The following CLSTN2 variants were observed in gnomAD, a reference collection of about 807,000 sequenced individuals.
CLSTN2 encodes calsyntenin 2.
Under a neutral mutation model 101.2 loss-of-function variants are expected in CLSTN2, and 48 were observed. That is an observed-to-expected ratio of 0.47 (90% CI 0.38 to 0.60). The LOEUF (loss-of-function observed/expected upper bound fraction) is 0.60, where lower values mean the gene tolerates loss of function less well. Among genes scored for constraint, CLSTN2 ranks in the 20% least tolerant of loss-of-function variants. The pLI is 0.00. For missense variants in CLSTN2, 1,160 were observed against 1,238.2 expected (o/e 0.94, Z 0.95); for synonymous variants, 481 against 463.6 (o/e 1.04, Z -0.48).
chr3:140,216,318 A>T (rs1428069252), intron 2 of CLSTN2, among the ~76,000 whole-genome samples: 2 of 152,112 alleles, frequency 1.3e-5, no homozygotes, highest in Admixed American at 6.5e-5. Flanking sequence ...AGAGAAGCAG[A>T]AGGGATGAAG....
intron 2 of CLSTN2, among the ~76,000 whole-genome samples, chr3:140,201,151 C>T (rs896546917): frequency 1.3e-5 from 2 of 152,186 alleles, no homozygotes; most frequent in Non-Finnish European, 2.9e-5. Context: ...AGGAAGCTGA[C>T]ATGAGAGAGA....
chr3:140,212,564 T>C (rs1018664894), intron 2 of CLSTN2, among the ~76,000 whole-genome samples: 1 of 152,218 alleles, frequency 6.6e-6, no homozygotes, highest in Non-Finnish European at 1.5e-5. Flanking sequence ...CATTTGCTTA[T>C]AATCCTTCAA....
In CLSTN2 at chr3:140,532,372, G is replaced by C; in HGVS notation, c.1393G>C (p.Val465Leu). The C allele has an allele frequency of 1.9e-6, 3 of 1,613,080 alleles. No individual in the cohort carries two copies. Among genetic ancestry groups the C allele is most frequent in the Non-Finnish European group, 2.5e-6 (3 of 1,179,272 alleles). Residue 465 changes from valine (V) to leucine (L), a missense_variant, in exon 9 of 17, where the codon GTG becomes CTG. Transcript: ENST00000458420. Reference sequence around the variant, plus strand: ...CTATGTCATCAATGTGGAGTTTCCTGTGGTAACCTTATACATGGATGGAGC... The same window carrying C: ...CTATGTCATCAATGTGGAGTTTCCTCTGGTAACCTTATACATGGATGGAGC... ...HYYVINVEFP[V>L]VTLYMDGATY...
At chr3:140,387,187 G>A (rs2088062895) in intron 2 of CLSTN2, among the ~76,000 whole-genome samples, 1 of 152,186 alleles carries the variant, frequency 6.6e-6, no homozygotes, top group Non-Finnish European at 1.5e-5. Context: ...ATGGGTAGGA[G>A]GAGAGCAGGG....
chr3:140,332,417 C>T (rs2087392634), intron 2 of CLSTN2, among the ~76,000 whole-genome samples: 1 of 152,226 alleles, frequency 6.6e-6, no homozygotes, highest in South Asian at 2.1e-4. Flanking sequence ...AGCAGGAAGA[C>T]ATGCCAGCTG....
At chr3:139,960,955 G>T (rs1935497544) in intron 1 of CLSTN2, among the ~76,000 whole-genome samples, 1 of 152,148 alleles carries the variant, frequency 6.6e-6, no homozygotes, top group Non-Finnish European at 1.5e-5. Context: ...AGAGAAAATG[G>T]AATCAAATGA....
chr3:140,040,927 G>GGAA (rs1244927812), intron 1 of CLSTN2, among the ~76,000 whole-genome samples: 2 of 152,088 alleles, frequency 1.3e-5, no homozygotes, highest in African/African-American at 4.8e-5. Flanking sequence ...GGGAGGATGA[G>GGAA]GAAAGAAAAT....
At chr3:140,044,141 T>C (rs13083542) in intron 1 of CLSTN2, among the ~76,000 whole-genome samples, 1 of 152,230 alleles carries the variant, frequency 6.6e-6, no homozygotes, top group African/African-American at 2.4e-5. Flanking sequence ...TTTCACGATA[T>C]TGATTCTTCC....
intron 1 of CLSTN2, among the ~76,000 whole-genome samples, chr3:140,025,641 G>A (rs2107757551): frequency 6.6e-6 from 1 of 152,274 alleles, no homozygotes; most frequent in African/African-American, 2.4e-5. Context: ...AAGAAGAGGA[G>A]AGAGAGAGAT....
chr3:140,281,501 T>C (rs1221194978), intron 2 of CLSTN2, among the ~76,000 whole-genome samples: 1 of 152,220 alleles, frequency 6.6e-6, no homozygotes, highest in East Asian at 1.9e-4. Flanking sequence ...ACTGCTATTT[T>C]GCCTGTGTCT....
chr3:140,081,657 C>T (rs911815522), intron 1 of CLSTN2, among the ~76,000 whole-genome samples: 2 of 149,112 alleles, frequency 1.3e-5, no homozygotes, highest in African/African-American at 4.9e-5. Context: ...TTCTCTCCTT[C>T]CCCTTCTCTT....
chr3:139,961,793 A>G (rs993117817), intron 1 of CLSTN2, among the ~76,000 whole-genome samples: 4 of 152,316 alleles, frequency 2.6e-5, no homozygotes, highest in African/African-American at 9.6e-5. Flanking sequence ...TTTTGCATTA[A>G]AAGATTAAAA....
At chr3:140,138,207 A>G (rs1423834510) in intron 1 of CLSTN2, among the ~76,000 whole-genome samples, 2 of 152,236 alleles carry the variant, frequency 1.3e-5, no homozygotes, top group Non-Finnish European at 2.9e-5. Context: ...AAATGACAGC[A>G]GATTTCTCCT....
chr3:140,166,921 T>C (rs2010144160), intron 1 of CLSTN2, among the ~76,000 whole-genome samples: 1 of 152,238 alleles, frequency 6.6e-6, no homozygotes, highest in East Asian at 1.9e-4. Context: ...AACTTAGTTC[T>C]TCTGAAGTTA....
intron 1 of CLSTN2, among the ~76,000 whole-genome samples, chr3:140,069,285 C>T (rs531988465): frequency 7.9e-5 from 12 of 152,230 alleles, no homozygotes; most frequent in African/African-American, 2.2e-4. Context: ...CAGTGGCTGC[C>T]GGAAATTATA....
chr3:140,124,103 A>G (rs1001967181), intron 1 of CLSTN2, among the ~76,000 whole-genome samples: 5 of 152,308 alleles, frequency 3.3e-5, no homozygotes, highest in Admixed American at 3.3e-4. Flanking sequence ...TGTAGGAAAC[A>G]GTATGAACTG....
At chr3:140,157,201 GT>G (rs58387930) in intron 1 of CLSTN2, among the ~76,000 whole-genome samples, 99 of 149,890 alleles carry the variant, frequency 6.6e-4, no homozygotes, top group South Asian at 1.3e-3. Context: ...TGGCCTAAAG[GT>G]TTTTTTTTTC....
intron 2 of CLSTN2, among the ~76,000 whole-genome samples, chr3:140,293,430 C>T (rs1194106459): frequency 1.3e-5 from 2 of 152,148 alleles, no homozygotes; most frequent in African/African-American, 2.4e-5. Context: ...ATGGACAAGC[C>T]AGTCAGTGAC....
chr3:140,335,954 G>A (rs977012277), intron 2 of CLSTN2, among the ~76,000 whole-genome samples: 1 of 152,104 alleles, frequency 6.6e-6, no homozygotes. Context: ...CATAAAACTG[G>A]GGCTCCAAGC....
Sources: allele counts gnomAD v4.1 joint callset (sites outside exome capture counted in the v4.1 genomes callset), GRCh38; gene constraint gnomAD v4.1.1; transcripts MANE v1.5; gene names NCBI Gene and HGNC (gene_info 2026-07-23, HGNC 2026-07-21).